Variants in ERGIC1 observed in about 807,000 individuals in gnomAD.
ERGIC1 encodes the protein endoplasmic reticulum-golgi intermediate compartment 1, also known as endoplasmic reticulum-Golgi intermediate compartment protein 1.
A neutral mutation model predicts 38.3 loss-of-function variants in ERGIC1; 19 were observed. That is an observed-to-expected ratio of 0.50 (90% confidence interval 0.35 to 0.73). The LOEUF is 0.73. Ranked by LOEUF, ERGIC1 falls within the 30% of genes least tolerant of loss-of-function variation. The pLI, the probability that ERGIC1 is intolerant of heterozygous loss-of-function variation, is 0.01. For missense variants in ERGIC1, 294 were observed against 389.2 expected (o/e 0.76, Z 2.06); for synonymous variants, 124 against 157.6 (o/e 0.79, Z 1.60).
intron 5 of ERGIC1, chr5:172,917,733 T>G (rs1763407449): frequency 1.3e-5 from 2 of 152,216 alleles, no homozygotes; most frequent in South Asian, 4.1e-4. Flanking sequence ...CATTTCCATC[T>G]GCGATGAATG....
intron 2 of ERGIC1, among the ~76,000 whole-genome samples, chr5:172,895,242 G>C (rs567422436): frequency 2.9e-4 from 44 of 152,314 alleles, no homozygotes; most frequent in African/African-American, 9.4e-4. Context: ...TACCTGCCGG[G>C]CTCTGTTTCA....
intron 4 of ERGIC1, among the ~76,000 whole-genome samples, chr5:172,911,805 T>C (rs915693468): frequency 2.0e-5 from 3 of 152,162 alleles, no homozygotes; most frequent in African/African-American, 7.2e-5. Context: ...ATAGACTATA[T>C]TTCAATCTTA....
intron 1 of ERGIC1, among the ~76,000 whole-genome samples, chr5:172,844,909 A>C (rs1216050426): frequency 6.6e-6 from 1 of 152,198 alleles, no homozygotes; most frequent in Non-Finnish European, 1.5e-5. Context: ...TGCTGTGACA[A>C]CAGTAGTGCC....
At chr5:172,893,002 C>G (rs772268206) in intron 2 of ERGIC1, among the ~76,000 whole-genome samples, 24 of 152,180 alleles carry the variant, frequency 1.6e-4, no homozygotes, top group Non-Finnish European at 3.2e-4. Flanking sequence ...TTCAGGAGGC[C>G]TTTCCATCCC....
At chr5:172,848,778 C>A (rs1207999773) in intron 1 of ERGIC1, among the ~76,000 whole-genome samples, 1 of 152,206 alleles carries the variant, frequency 6.6e-6, no homozygotes, top group Non-Finnish European at 1.5e-5. Context: ...GAGGGGTTCA[C>A]CTCCGCAAGA....
At chr5:172,898,701 A>C (rs1293859619) in intron 3 of ERGIC1, 2 of 152,178 alleles carry the variant, frequency 1.3e-5, no homozygotes, top group Non-Finnish European at 2.9e-5. Flanking sequence ...TGGTAGCCAA[A>C]TGAAGGAGAG....
At chr5:172,868,520 A>T (rs995855940) in intron 1 of ERGIC1, among the ~76,000 whole-genome samples, 1 of 152,246 alleles carries the variant, frequency 6.6e-6, no homozygotes, top group African/African-American at 2.4e-5. Flanking sequence ...TGGAGACGGT[A>T]AAAGATCAGC....
intron 3 of ERGIC1, among the ~76,000 whole-genome samples, chr5:172,908,448 C>T (rs1266667346): frequency 1.3e-5 from 2 of 150,438 alleles, no homozygotes; most frequent in African/African-American, 2.4e-5. Context: ...TGGTGGCACG[C>T]ACCTGTAGTC....
intron 1 of ERGIC1, among the ~76,000 whole-genome samples, chr5:172,873,798 G>C (rs1762077058): frequency 6.6e-6 from 1 of 152,246 alleles, no homozygotes; most frequent in African/African-American, 2.4e-5. Context: ...TGTGGACAGA[G>C]TAGGCCAAGT....
chr5:172,900,891 C>T (rs1762859628), intron 3 of ERGIC1, among the ~76,000 whole-genome samples: 1 of 152,208 alleles, frequency 6.6e-6, no homozygotes. Context: ...CCCCTTCCCT[C>T]CTTACTAAGG....
intron 3 of ERGIC1, among the ~76,000 whole-genome samples, chr5:172,899,232 G>T (rs1197800601): frequency 2.6e-5 from 4 of 152,030 alleles, no homozygotes; most frequent in Non-Finnish European, 5.9e-5. Flanking sequence ...GTGAGCAAGC[G>T]GAGAGGGTAG....
At chr5:172,857,808 C>T (rs538331215) in intron 1 of ERGIC1, among the ~76,000 whole-genome samples, 50 of 152,212 alleles carry the variant, frequency 3.3e-4, no homozygotes, top group Non-Finnish European at 5.7e-4. Flanking sequence ...GGAGTAAAAT[C>T]GGTCTCCCCA....
chr5:172,935,008 G>T (rs973292749), intron 8 of ERGIC1, 180 bp from the exon 9 acceptor site: 2 of 843,224 alleles, frequency 2.4e-6, no homozygotes, highest in East Asian at 2.5e-5. Context: ...AGCTGTGCAC[G>T]GCAGAGTTCA....
At chr5:172,937,864 G>C (rs1213043877) in intron 9 of ERGIC1, 5 of 151,884 alleles carry the variant, frequency 3.3e-5, no homozygotes, top group African/African-American at 1.2e-4. Context: ...GGGGCATGGT[G>C]GTGGGCGCCT....
chr5:172,941,501 G>C (rs940775664), intron 9 of ERGIC1, among the ~76,000 whole-genome samples: 1 of 152,108 alleles, frequency 6.6e-6, no homozygotes, highest in African/African-American at 2.4e-5. Flanking sequence ...GCTCGGACCT[G>C]ACCCCAGTGC....
intron 9 of ERGIC1, among the ~76,000 whole-genome samples, chr5:172,943,411 T>C (rs1213632796): frequency 8.1e-6 from 1 of 123,002 alleles, no homozygotes; most frequent in Non-Finnish European, 1.7e-5. Context: ...CACCTCTGCC[T>C]CCTCCACGAC....
At chr5:172,908,668 TA>T (rs1172619156) in intron 3 of ERGIC1, among the ~76,000 whole-genome samples, 1 of 152,134 alleles carries the variant, frequency 6.6e-6, no homozygotes, top group Non-Finnish European at 1.5e-5. Context: ...AGGCAGCGCC[TA>T]GAAGCTGAAA....
At chr5:172,919,990 G>GGT (rs1763468916) in intron 5 of ERGIC1, among the ~76,000 whole-genome samples, 1 of 152,200 alleles carries the variant, frequency 6.6e-6, no homozygotes, top group South Asian at 2.1e-4. Flanking sequence ...AGGCACAGGA[G>GGT]GTTAAGTGAC....
intron 1 of ERGIC1, among the ~76,000 whole-genome samples, chr5:172,878,967 T>G (rs1224501882): frequency 6.6e-6 from 1 of 151,204 alleles, no homozygotes; most frequent in Non-Finnish European, 1.5e-5. Flanking sequence ...CCAGCCAGAG[T>G]TTCATCTAAA....
Sources: gnomAD v4.1 joint callset for allele counts (sites outside exome capture counted in the v4.1 genomes callset) on GRCh38, gnomAD v4.1.1 for gene constraint, MANE v1.5 for transcripts, NCBI Gene and HGNC (gene_info 2026-07-23, HGNC 2026-07-21) for gene names.